The following HEMK2 variants were observed in gnomAD, a reference collection of about 807,000 sequenced individuals.
HEMK2 encodes the protein methyltransferase HEMK2.
the HEMK2 span, among the ~76,000 whole-genome samples, chr21:28,720,098 C>G: frequency 6.6e-6 from 1 of 152,166 alleles, no homozygotes; most frequent in African/African-American, 2.4e-5. Context: ...GAAGTGTTGT[C>G]TAGTATATGT....
the HEMK2 span, among the ~76,000 whole-genome samples, chr21:28,761,599 C>CTT: frequency 1.5e-4 from 21 of 141,186 alleles, no homozygotes; most frequent in African/African-American, 2.1e-4. Flanking sequence ...CTCTACAAAG[C>CTT]TTTTTTTTTT....
chr21:28,832,793 T>C, the HEMK2 span, among the ~76,000 whole-genome samples: 1 of 152,232 alleles, frequency 6.6e-6, no homozygotes. Flanking sequence ...ACCATTCGTG[T>C]ATTGATACGT....
chr21:28,599,848 G>C, the HEMK2 span, among the ~76,000 whole-genome samples: 1 of 152,026 alleles, frequency 6.6e-6, no homozygotes, highest in Non-Finnish European at 1.5e-5. Flanking sequence ...AAAACAAAGG[G>C]GCTACAGAGA....
the HEMK2 span, among the ~76,000 whole-genome samples, chr21:28,686,073 G>C: frequency 1.3e-5 from 2 of 152,298 alleles, no homozygotes; most frequent in Admixed American, 6.5e-5. Context: ...GAGTGTTCAA[G>C]TCTTTATATG....
the HEMK2 span, among the ~76,000 whole-genome samples, chr21:28,825,805 C>T: frequency 6.6e-6 from 1 of 152,216 alleles, no homozygotes; most frequent in South Asian, 2.1e-4. Flanking sequence ...CCTACTTCAG[C>T]ACTGAAAGTG....
the HEMK2 span, among the ~76,000 whole-genome samples, chr21:28,791,942 GA>G: frequency 6.6e-6 from 1 of 150,826 alleles, no homozygotes; most frequent in Non-Finnish European, 1.5e-5. Context: ...ATGCAGAGAA[GA>G]AAAAAAAAGA....
the HEMK2 span, among the ~76,000 whole-genome samples, chr21:28,647,639 G>A: frequency 6.6e-6 from 1 of 152,118 alleles, no homozygotes; most frequent in African/African-American, 2.4e-5. Context: ...ACAAAGGCTG[G>A]AACCACGCAT....
the HEMK2 span, among the ~76,000 whole-genome samples, chr21:28,804,608 A>G: frequency 6.6e-6 from 1 of 152,140 alleles, no homozygotes; most frequent in Non-Finnish European, 1.5e-5. Context: ...ATAAATAAAT[A>G]CACATTGAAA....
the HEMK2 span, among the ~76,000 whole-genome samples, chr21:28,862,192 T>C: frequency 6.6e-6 from 1 of 152,134 alleles, no homozygotes; most frequent in African/African-American, 2.4e-5. Flanking sequence ...GCCCTGTGAT[T>C]AAGGTCAGTA....
chr21:28,848,767 C>G, the HEMK2 span, among the ~76,000 whole-genome samples: 1 of 152,206 alleles, frequency 6.6e-6, no homozygotes, highest in African/African-American at 2.4e-5. Flanking sequence ...AAAAAACCCA[C>G]TGTGTGAAAT....
chr21:28,753,718 A>G, the HEMK2 span, among the ~76,000 whole-genome samples: 3 of 152,232 alleles, frequency 2.0e-5, no homozygotes, highest in Non-Finnish European at 4.4e-5. Flanking sequence ...ACCTTTCACA[A>G]AACAGCACTA....
the HEMK2 span, among the ~76,000 whole-genome samples, chr21:28,771,299 A>C: frequency 6.6e-6 from 1 of 152,148 alleles, no homozygotes; most frequent in Admixed American, 6.5e-5. Flanking sequence ...ATTCAGGGAG[A>C]GATGATTTGG....
At chr21:28,854,726 C>T in the HEMK2 span, among the ~76,000 whole-genome samples, 2 of 152,110 alleles carry the variant, frequency 1.3e-5, no homozygotes, top group African/African-American at 4.8e-5. Flanking sequence ...TTTCTCTTTT[C>T]ACATTTTTCT....
the HEMK2 span, among the ~76,000 whole-genome samples, chr21:28,697,778 C>CAAAAAAAAAAA: frequency 4.4e-3 from 353 of 79,398 alleles, 9 homozygotes; most frequent in African/African-American, 7.9e-3. Context: ...ATCATGAGCC[C>CAAAAAAAAAAA]AAAAAAAAAA....
At chr21:28,673,103 A>G in the HEMK2 span, among the ~76,000 whole-genome samples, 3 of 151,174 alleles carry the variant, frequency 2.0e-5, no homozygotes, top group African/African-American at 7.3e-5. Context: ...AGGAAGAAAG[A>G]AAGGAAGGAA....
At chr21:28,851,437 T>G in the HEMK2 span, among the ~76,000 whole-genome samples, 1 of 152,156 alleles carries the variant, frequency 6.6e-6, no homozygotes, top group African/African-American at 2.4e-5. Flanking sequence ...GTAACACACT[T>G]AAATGAGGGA....
chr21:28,784,431 T>C, the HEMK2 span, among the ~76,000 whole-genome samples: 12 of 151,508 alleles, frequency 7.9e-5, no homozygotes, highest in Non-Finnish European at 1.3e-4. Context: ...GCTAATCTAG[T>C]GGGGACTTGG....
the HEMK2 span, among the ~76,000 whole-genome samples, chr21:28,782,683 G>A: frequency 7.9e-4 from 121 of 152,284 alleles, no homozygotes; most frequent in African/African-American, 2.7e-3. Flanking sequence ...AGTGGTCATG[G>A]GGATAAACGG....
the HEMK2 span, among the ~76,000 whole-genome samples, chr21:28,702,364 C>T: frequency 6.6e-6 from 1 of 151,634 alleles, no homozygotes; most frequent in African/African-American, 2.4e-5. Context: ...TTCTTCACAG[C>T]AAAAGAAACT....
Sources: gnomAD v4.1 joint callset for allele counts (sites outside exome capture counted in the v4.1 genomes callset) on GRCh38, gnomAD v4.1.1 for gene constraint, MANE v1.5 for transcripts, NCBI Gene and HGNC (gene_info 2026-07-23, HGNC 2026-07-21) for gene names.